CTNNA3: variants seen among roughly 807,000 people sequenced by gnomAD.
CTNNA3 encodes the protein catenin alpha 3, also known as catenin alpha-3.
A neutral mutation model predicts 95.7 loss-of-function variants in CTNNA3; 76 were observed. The observed-to-expected ratio is 0.79, with a 90% CI of 0.66 to 0.96. The LOEUF (loss-of-function observed/expected upper bound fraction) is 0.96. Among genes scored for constraint, CTNNA3 ranks in the 40% least tolerant of loss-of-function variants. CTNNA3 has a pLI of 0.00. For missense variants in CTNNA3, 1,191 were observed against 1,089.8 expected, an observed-to-expected ratio of 1.09 and a Z score of -1.31; for synonymous variants, 431 against 374.4, an observed-to-expected ratio of 1.15 and a Z score of -1.74.
At chr10:66,884,685 A>G (rs1323218982) in intron 7 of CTNNA3, among the ~76,000 whole-genome samples, 1 of 152,166 alleles carries the variant, frequency 6.6e-6, no homozygotes, top group Non-Finnish European at 1.5e-5. Context: ...AGAAACTGTG[A>G]GATAATAAAT....
At chr10:66,084,154 A>AAAAAAAAAAAAAAAG (rs1564627073) in intron 14 of CTNNA3, among the ~76,000 whole-genome samples, 1 of 141,398 alleles carries the variant, frequency 7.1e-6, no homozygotes, top group Non-Finnish European at 1.5e-5. Flanking sequence ...AAAAGAAAAA[A>AAAAAAAAAAAAAAAG]AAAGAAAAAG....
At chr10:66,083,823 A>G (rs1213906171) in intron 14 of CTNNA3, among the ~76,000 whole-genome samples, 1 of 152,070 alleles carries the variant, frequency 6.6e-6, no homozygotes. Flanking sequence ...TCACTTCTCC[A>G]AGTGATTTAC....
chr10:66,939,680 T>G (rs912857532), intron 7 of CTNNA3, among the ~76,000 whole-genome samples: 2 of 152,206 alleles, frequency 1.3e-5, no homozygotes, highest in Non-Finnish European at 2.9e-5. Flanking sequence ...GAAGTATCTG[T>G]CAGCCTCTGG....
At chr10:66,768,024 T>C (rs1282104781) in intron 8 of CTNNA3, among the ~76,000 whole-genome samples, 1 of 152,152 alleles carries the variant, frequency 6.6e-6, no homozygotes, top group Non-Finnish European at 1.5e-5. Flanking sequence ...GAATGAATAA[T>C]GTGTTTGCTG....
chr10:66,557,395 G>A (rs1842424193), intron 10 of CTNNA3, among the ~76,000 whole-genome samples: 2 of 152,090 alleles, frequency 1.3e-5, no homozygotes, highest in Non-Finnish European at 1.5e-5. Context: ...TGATAATGGT[G>A]TCATCATTAA....
intron 3 of CTNNA3, among the ~76,000 whole-genome samples, chr10:67,565,725 A>G (rs1216642514): frequency 6.6e-6 from 1 of 150,838 alleles, no homozygotes; most frequent in Non-Finnish European, 1.5e-5. Context: ...GGATGTGGAG[A>G]AAAGAAAACC....
intron 5 of CTNNA3, among the ~76,000 whole-genome samples, chr10:67,253,093 C>T (rs1450186574): frequency 6.6e-6 from 1 of 152,170 alleles, no homozygotes; most frequent in African/African-American, 2.4e-5. Context: ...CATATCCCAA[C>T]CACCAGCATC....
intron 14 of CTNNA3, among the ~76,000 whole-genome samples, chr10:66,094,252 C>T (rs1454772841): frequency 6.6e-6 from 1 of 151,924 alleles, no homozygotes; most frequent in Non-Finnish European, 1.5e-5. Context: ...GAGATTTCTG[C>T]ACGAGGAGGT....
At chr10:66,898,472 G>A (rs1845590727) in intron 7 of CTNNA3, among the ~76,000 whole-genome samples, 1 of 152,074 alleles carries the variant, frequency 6.6e-6, no homozygotes, top group South Asian at 2.1e-4. Flanking sequence ...ACAGTATGGT[G>A]CTGGCAACAA....
intron 17 of CTNNA3, among the ~76,000 whole-genome samples, chr10:65,945,907 A>G (rs912617244): frequency 6.6e-6 from 1 of 152,164 alleles, no homozygotes; most frequent in African/African-American, 2.4e-5. Flanking sequence ...AAGAATAAGA[A>G]CCCTGTCCTA....
chr10:67,252,277 A>C (rs529818066), intron 5 of CTNNA3, among the ~76,000 whole-genome samples: 4 of 152,110 alleles, frequency 2.6e-5, no homozygotes, highest in Non-Finnish European at 5.9e-5. Context: ...TACGTGGAGA[A>C]TTAGAAGCTC....
chr10:66,344,144 T>C lies in CTNNA3; in HGVS notation c.1732+35008A>G, dbSNP rs558403389. Among the ~76,000 whole-genome samples the C allele has an allele frequency of 2.3e-3, 339 of 149,716 alleles. 1 individual carries two copies. Among genetic ancestry groups the C allele is most frequent in the African/African-American group, 7.9e-3 (324 of 40,860 alleles). On this transcript the variant is annotated intron_variant, in intron 12 of 17. Transcript: ENST00000433211. ...CAGGAGGCTGAGGCAGGAGAATCAC[T>C]TGAACCCCAGAGGCAGAGGTTGTAG...
intron 3 of CTNNA3, among the ~76,000 whole-genome samples, chr10:67,559,125 G>A (rs1259615502): frequency 6.6e-6 from 1 of 152,186 alleles, no homozygotes; most frequent in East Asian, 1.9e-4. Context: ...TGACAGCTTT[G>A]AAGAGAGCAG....
At chr10:67,517,937 A>C in intron 5 of CTNNA3, among the ~76,000 whole-genome samples, 1 of 152,196 alleles carries the variant, frequency 6.6e-6, no homozygotes. Flanking sequence ...CTATTTAAGA[A>C]AATGGCTTAT....
chr10:66,551,896 C>CTTTT (rs141885331), intron 10 of CTNNA3, among the ~76,000 whole-genome samples: 23 of 113,962 alleles, frequency 2.0e-4, no homozygotes, highest in Non-Finnish European at 2.7e-4. Context: ...TTTTCTTTTC[C>CTTTT]TTTTTTTTTT....
chr10:67,429,906 T>C (rs543240906), intron 5 of CTNNA3, among the ~76,000 whole-genome samples: 3 of 152,004 alleles, frequency 2.0e-5, no homozygotes, highest in South Asian at 2.1e-4. Context: ...AAAAGTGTGC[T>C]GAGAAAAAAA....
chr10:67,641,335 A>G (rs1302643554), intron 2 of CTNNA3, among the ~76,000 whole-genome samples: 1 of 151,928 alleles, frequency 6.6e-6, no homozygotes, highest in East Asian at 1.9e-4. Flanking sequence ...TAGAATGGCA[A>G]TCATTAAAAA....
intron 8 of CTNNA3, among the ~76,000 whole-genome samples, chr10:66,767,980 C>T (rs7899434): frequency 0.85 from 129,334 of 152,150 alleles, 55,270 homozygotes; most frequent in East Asian, 1. Context: ...TATAGAGTGC[C>T]AAGGGGTTAC....
intron 13 of CTNNA3, among the ~76,000 whole-genome samples, chr10:66,210,471 A>G (rs903003138): frequency 6.6e-6 from 1 of 152,098 alleles, no homozygotes; most frequent in East Asian, 1.9e-4. Context: ...ACATAATGTA[A>G]ATAATGTATT....
Sources: allele counts gnomAD v4.1 joint callset (sites outside exome capture counted in the v4.1 genomes callset), GRCh38; gene constraint gnomAD v4.1.1; transcripts MANE v1.5; gene names NCBI Gene and HGNC (gene_info 2026-07-23, HGNC 2026-07-21).